Variants in NUGGC observed in about 807,000 individuals in gnomAD.
The protein encoded by NUGGC is nuclear GTPase, germinal center associated.
In NUGGC, 58 loss-of-function variants were observed where a neutral mutation model predicts 92.6. The ratio of observed to expected loss-of-function variants is 0.63; its 90% CI spans 0.51 to 0.78. The LOEUF (loss-of-function observed/expected upper bound fraction) is 0.78. Ranked by LOEUF, NUGGC falls within the 30% of genes least tolerant of loss-of-function variation. NUGGC has a pLI of 0.00. For synonymous variants in NUGGC, 376 were observed against 366.4 expected (o/e 1.03, Z -0.30); for missense variants, 925 against 964.6 (o/e 0.96, Z 0.54).
chr8:28,047,683 A>T (rs1031754400), intron 10 of NUGGC, 71 bp from the exon 11 acceptor site: 3 of 911,094 alleles, frequency 3.3e-6, no homozygotes, highest in Admixed American at 4.7e-5. Context: ...CACAGGACCC[A>T]CAAGAGCCTT....
chr8:28,052,261 T>G (rs1036733131), intron 10 of NUGGC, among the ~76,000 whole-genome samples: 9 of 152,220 alleles, frequency 5.9e-5, no homozygotes, highest in Admixed American at 1.3e-4. Flanking sequence ...AGGTGCATCT[T>G]GCAACTGCTG....
At chr8:28,075,579 G>A (rs17058580) in intron 1 of NUGGC, among the ~76,000 whole-genome samples, 7,739 of 152,244 alleles carry the variant, frequency 0.051, 423 homozygotes, top group East Asian at 0.31. Context: ...TCACTCAGCC[G>A]TGTATTTCAA....
rs144609534 is a variant in NUGGC at position 28,046,348 on chromosome 8, T to C, written c.1313-688A>G. On this transcript the variant is annotated intron_variant, in intron 11 of 18. Transcript: ENST00000413272. Reference sequence around the variant, plus strand: ...TCACATACCTACACGTCTAGTCAAATGCATGCACGTTGCAAGCCATATCAA... The same window carrying C: ...TCACATACCTACACGTCTAGTCAAACGCATGCACGTTGCAAGCCATATCAA... 1.8e-3 allele frequency among the ~76,000 whole-genome samples: 281 copies of C among 152,300 alleles called. 1 individual carries two copies. The highest frequency in any genetic ancestry group is 6.3e-3 in the African/African-American group (261 of 41,560).
At position 28,060,470 on chromosome 8, in the gene NUGGC, C is replaced by T; in HGVS notation, c.1053G>A (p.Leu351=). 1.9e-6 allele frequency: 3 copies of T among 1,613,894 alleles called. No individual in the cohort carries two copies. Among genetic ancestry groups the T allele is most frequent in the Non-Finnish European group, 2.5e-6 (3 of 1,179,840 alleles). The stretch of plus-strand genomic sequence containing the variant: ...GGAGTTTGTCCATCTTGGTGACCAC[C>T]AGGGCCACGTCCCTACAGAAGCCCC... ...CQRGFCRDVA[L]VVTKMDKLHL... The change falls in exon 8 of 19, where the codon CTG becomes CTA. Residue 351 remains leucine, a synonymous_variant. Transcript: ENST00000413272.
intron 10 of NUGGC, among the ~76,000 whole-genome samples, chr8:28,052,501 T>C (rs941314333): frequency 1.3e-5 from 2 of 152,098 alleles, no homozygotes; most frequent in African/African-American, 2.4e-5. Context: ...GAAATTTGGA[T>C]ACAGAGACAC....
At position 28,048,073 on chromosome 8, in the gene NUGGC, G is replaced by A. The variant is rs369125684; in HGVS notation, c.1207-461C>T. Among the ~76,000 whole-genome samples the A allele has an allele frequency of 1.3e-4, 20 of 152,238 alleles. No homozygotes were observed. In the South Asian group the frequency reaches 3.5e-3, roughly 27 times the overall value. ...CTGGTAGCTTGAAATTGACAATGTT[G>A]GGACTGTTTCAGTCCTGAATCTCAA... On this transcript the variant is annotated intron_variant, in intron 10 of 18. Coordinates refer to ENST00000413272, the MANE Select transcript of NUGGC (RefSeq NM_001010906.2).
Position 28,027,017 on chromosome 8 carries a change from G to C in NUGGC, c.2190C>G (p.Thr730=). ...GIVEKVKGSI[T]TMLALASSQG... ...GGGACGAAGCAAGGGCCAGCATAGT[G>C]GTGATGCTGCCCTTCACCTTCTCCA... Residue 730 remains threonine (T), a synonymous_variant, in exon 18 of 19, where the codon ACC becomes ACG. Transcript: ENST00000413272. 1 of 1,613,732 alleles carries C rather than the reference G, an allele frequency of 6.2e-7. No homozygotes were observed. The highest frequency in any genetic ancestry group is 8.5e-7 in the Non-Finnish European group (1 of 1,179,670).
intron 3 of NUGGC, 110 bp downstream of exon 3, chr8:28,070,142 T>G: frequency 6.9e-7 from 1 of 1,459,726 alleles, no homozygotes; most frequent in South Asian, 1.5e-5. Context: ...AAAACAGGTT[T>G]ATTTGATGTT....
At chr8:28,068,963 G>T (rs1171670688) in intron 4 of NUGGC, among the ~76,000 whole-genome samples, 10 of 152,072 alleles carry the variant, frequency 6.6e-5, no homozygotes, top group Admixed American at 1.3e-4. Context: ...GCTCTCAAGT[G>T]GTCCACCCGC....
At chr8:28,083,088 T>C (rs532863960) in intron 1 of NUGGC, among the ~76,000 whole-genome samples, 51 of 152,346 alleles carry the variant, frequency 3.3e-4, no homozygotes, top group African/African-American at 1.2e-3. Context: ...TAAAACTCCC[T>C]GCTCCTTAAG....
At chr8:28,058,534 T>C (rs942372055) in intron 8 of NUGGC, among the ~76,000 whole-genome samples, 10 of 152,312 alleles carry the variant, frequency 6.6e-5, no homozygotes, top group African/African-American at 2.4e-4. Context: ...CAGTCAAAAA[T>C]GCAGCCCTCT....
At chr8:28,072,993 T>C (rs9644050) in intron 2 of NUGGC, among the ~76,000 whole-genome samples, 14,182 of 145,410 alleles carry the variant, frequency 0.098, 1,043 homozygotes, top group African/African-American at 0.21. Context: ...GGTTTCATTG[T>C]TGACTGTTGA....
intron 12 of NUGGC, among the ~76,000 whole-genome samples, chr8:28,044,282 C>T (rs11136027): frequency 0.49 from 74,410 of 151,924 alleles, 18,467 homozygotes; most frequent in East Asian, 0.63. Context: ...GCACATCTGA[C>T]GGGTGAAGGC....
intron 1 of NUGGC, among the ~76,000 whole-genome samples, chr8:28,077,107 G>A (rs1182379740): frequency 6.6e-6 from 1 of 152,084 alleles, no homozygotes; most frequent in East Asian, 1.9e-4. Context: ...GGTAGTAGAA[G>A]TGCCCTATGA....
intron 14 of NUGGC, 41 bp downstream of exon 14, chr8:28,033,499 C>G: frequency 6.3e-7 from 1 of 1,586,524 alleles, no homozygotes; most frequent in African/African-American, 1.4e-5. Flanking sequence ...CACATTCTTC[C>G]GATGTTTGTT....
In NUGGC at chr8:28,081,994, A is replaced by C. The variant is rs114558734; in HGVS notation, c.-47+1781T>G. On this transcript the variant is annotated intron_variant, in intron 1 of 18. Coordinates refer to ENST00000413272, the MANE Select transcript of NUGGC (RefSeq NM_001010906.2). ...TAATGAAATGATAGAATGTTGATGA[A>C]ATTTAGAATTTATTTCCTTTCTCTT... Among the ~76,000 whole-genome samples, 1,448 of 152,210 alleles carry C rather than the reference A, an allele frequency of 9.5e-3. 16 individuals are homozygous for C. The highest frequency in any genetic ancestry group is 0.033 in the African/African-American group (1,379 of 41,520).
intron 1 of NUGGC, among the ~76,000 whole-genome samples, chr8:28,076,994 A>G (rs765011429): frequency 1.3e-5 from 2 of 152,240 alleles, no homozygotes; most frequent in Admixed American, 1.3e-4. Flanking sequence ...CTGAACCTAT[A>G]TTGATATGAC....
At chr8:28,043,753 A>G (rs920346121) in intron 12 of NUGGC, among the ~76,000 whole-genome samples, 3 of 152,192 alleles carry the variant, frequency 2.0e-5, no homozygotes, top group African/African-American at 4.8e-5. Flanking sequence ...AACCTCACAC[A>G]GCCCACATCG....
intron 17 of NUGGC, among the ~76,000 whole-genome samples, chr8:28,028,627 G>C (rs1809331017): frequency 6.6e-6 from 1 of 152,152 alleles, no homozygotes; most frequent in Non-Finnish European, 1.5e-5. Context: ...TGGGGGAAAG[G>C]GGGTGGCAAG....
Sources: gnomAD v4.1 joint callset for allele counts (sites outside exome capture counted in the v4.1 genomes callset) on GRCh38, gnomAD v4.1.1 for gene constraint, MANE v1.5 for transcripts, NCBI Gene and HGNC (gene_info 2026-07-23, HGNC 2026-07-21) for gene names.